Variants in ENOX1 observed in about 807,000 individuals in gnomAD.
The protein encoded by ENOX1 is candidate growth-related and time keeping constitutive hydroquinone (NADH) oxidase.
Under a neutral mutation model 82.5 loss-of-function variants are expected in ENOX1, and 42 were observed. The ratio of observed to expected loss-of-function variants is 0.51; its 90% CI spans 0.40 to 0.66. The LOEUF is 0.66. Among genes scored for constraint, ENOX1 ranks in the 30% least tolerant of loss-of-function variants. The pLI, the probability that ENOX1 is intolerant of heterozygous loss-of-function variation, is 0.00. For synonymous variants in ENOX1, 271 were observed against 282.2 expected (o/e 0.96, Z 0.40); for missense variants, 608 against 811.6 (o/e 0.75, Z 3.05).
rs1037802400 is a variant in ENOX1 at position 43,320,062 on chromosome 13, C to A, written c.1261+2322G>T. Reference sequence around the variant, plus strand: ...TTTGTCTGAGGTTTGAACAAAAGACCAGATGGGAATTCTTGCTGTCAGGCT... The same window carrying A: ...TTTGTCTGAGGTTTGAACAAAAGACAAGATGGGAATTCTTGCTGTCAGGCT... On this transcript the variant is annotated intron_variant, in intron 11 of 16. Coordinates refer to ENST00000690772, the MANE Select transcript of ENOX1 (RefSeq NM_001347969.2). Among the ~76,000 whole-genome samples, 30 of 152,166 alleles carry A rather than the reference C, an allele frequency of 2.0e-4. 1 individual carries two copies. Among genetic ancestry groups the A allele is most frequent in the Admixed American group, 1.9e-3 (29 of 15,276 alleles).
chr13:43,455,487 T>C (rs773400415), intron 3 of ENOX1, among the ~76,000 whole-genome samples: 1 of 152,222 alleles, frequency 6.6e-6, no homozygotes, highest in Non-Finnish European at 1.5e-5. Flanking sequence ...TTGTTCCATT[T>C]TGACAATTCT....
chr13:43,632,237 A>T (rs998348219), intron 2 of ENOX1, among the ~76,000 whole-genome samples: 3 of 151,190 alleles, frequency 2.0e-5, no homozygotes, highest in African/African-American at 7.3e-5. Context: ...TAGATGGTGA[A>T]TTTTTTTTTA....
intron 12 of ENOX1, among the ~76,000 whole-genome samples, chr13:43,293,167 G>A (rs1196341825): frequency 1.3e-5 from 2 of 151,722 alleles, no homozygotes; most frequent in Admixed American, 1.3e-4. Context: ...CAACACAACT[G>A]AGGTTACCAC....
At chr13:43,473,745 T>C (rs1328634795) in intron 3 of ENOX1, among the ~76,000 whole-genome samples, 1 of 152,152 alleles carries the variant, frequency 6.6e-6, no homozygotes, top group Non-Finnish European at 1.5e-5. Context: ...TTCCTAGTCC[T>C]TATCTTTTCC....
At chr13:43,288,847 T>A (rs976262163) in intron 12 of ENOX1, among the ~76,000 whole-genome samples, 1 of 152,158 alleles carries the variant, frequency 6.6e-6, no homozygotes, top group Non-Finnish European at 1.5e-5. Flanking sequence ...ACATCTTTCA[T>A]AATGGCTCTT....
chr13:43,610,380 C>A (rs2082148193), intron 2 of ENOX1, among the ~76,000 whole-genome samples: 1 of 152,102 alleles, frequency 6.6e-6, no homozygotes. Context: ...CACAATCTGT[C>A]CAACTGAGAT....
chr13:43,652,800 G>C (rs1331278082), intron 2 of ENOX1, among the ~76,000 whole-genome samples: 2 of 152,204 alleles, frequency 1.3e-5, no homozygotes, highest in Admixed American at 6.5e-5. Context: ...AAGCTGAGTA[G>C]CCGGAATGCC....
intron 7 of ENOX1, among the ~76,000 whole-genome samples, chr13:43,358,575 CTTT>C (rs2153558512): frequency 6.6e-6 from 1 of 152,300 alleles, no homozygotes; most frequent in African/African-American, 2.4e-5. Context: ...ATCCGTCCTT[CTTT>C]ATCATCATCA....
At chr13:43,636,519 G>A (rs1307633107) in intron 2 of ENOX1, among the ~76,000 whole-genome samples, 2 of 152,098 alleles carry the variant, frequency 1.3e-5, no homozygotes, top group Non-Finnish European at 2.9e-5. Flanking sequence ...TGTGGCCCAC[G>A]AACTTTTGTC....
intron 1 of ENOX1, among the ~76,000 whole-genome samples, chr13:43,737,464 G>A (rs1051495245): frequency 1.3e-5 from 2 of 152,148 alleles, no homozygotes; most frequent in Non-Finnish European, 1.5e-5. Context: ...TCTCTTCCAA[G>A]CTTCACTGTT....
At chr13:43,527,881 A>C (rs1239558138) in intron 2 of ENOX1, among the ~76,000 whole-genome samples, 1 of 152,144 alleles carries the variant, frequency 6.6e-6, no homozygotes, top group East Asian at 1.9e-4. Context: ...CATATTTCAA[A>C]CATCTAATTA....
intron 1 of ENOX1, among the ~76,000 whole-genome samples, chr13:43,675,503 T>C (rs1201980039): frequency 6.6e-6 from 1 of 152,198 alleles, no homozygotes; most frequent in Non-Finnish European, 1.5e-5. Flanking sequence ...TGTACACATA[T>C]ACACACACAT....
intron 12 of ENOX1, among the ~76,000 whole-genome samples, chr13:43,297,774 AC>A (rs1205205269): frequency 6.6e-6 from 1 of 152,216 alleles, no homozygotes; most frequent in Non-Finnish European, 1.5e-5. Flanking sequence ...GCACTCTTCA[AC>A]AAAAACACAG....
At chr13:43,376,117 A>AT (rs971103957) in intron 5 of ENOX1, among the ~76,000 whole-genome samples, 9 of 151,692 alleles carry the variant, frequency 5.9e-5, no homozygotes, top group East Asian at 1.9e-4. Flanking sequence ...TTATTCAATT[A>AT]TTTTTTTTTA....
chr13:43,355,442 A>G (rs531740804), intron 8 of ENOX1, among the ~76,000 whole-genome samples: 26 of 152,324 alleles, frequency 1.7e-4, no homozygotes, highest in African/African-American at 9.6e-5. Flanking sequence ...CCCTAGTACC[A>G]TGTCTGCTGT....
At chr13:43,618,827 AG>A (rs907530007) in intron 2 of ENOX1, among the ~76,000 whole-genome samples, 1 of 152,158 alleles carries the variant, frequency 6.6e-6, no homozygotes, top group African/African-American at 2.4e-5. Flanking sequence ...TGCTTTTGGC[AG>A]TATGGTCATT....
intron 2 of ENOX1, among the ~76,000 whole-genome samples, chr13:43,629,416 C>T (rs1405724783): frequency 6.6e-6 from 1 of 152,130 alleles, no homozygotes; most frequent in East Asian, 1.9e-4. Flanking sequence ...GATAAGAAGA[C>T]AACACAGGGA....
intron 2 of ENOX1, among the ~76,000 whole-genome samples, chr13:43,576,540 A>G (rs950058246): frequency 1.3e-5 from 2 of 152,198 alleles, no homozygotes; most frequent in Admixed American, 1.3e-4. Flanking sequence ...CTGTAGTGTA[A>G]AACACATGCC....
rs186157392 is a variant in ENOX1 at position 43,241,550 on chromosome 13, T to C, written c.1612-4812A>G. ...TTATGAAGTAGTCTCCCAAAGGAAG[T>C]GGGAAGAACACAGTAAAAGCACACC... On this transcript the variant is annotated intron_variant, in intron 14 of 16. Transcript: ENST00000690772. Among the ~76,000 whole-genome samples, 82 of 152,212 alleles carry C rather than the reference T, an allele frequency of 5.4e-4. No individual in the cohort carries two copies. In the Middle Eastern group the frequency reaches 0.01, roughly 19 times the overall value.
Sources: allele counts gnomAD v4.1 joint callset (sites outside exome capture counted in the v4.1 genomes callset), GRCh38; gene constraint gnomAD v4.1.1; transcripts MANE v1.5; gene names NCBI Gene and HGNC (gene_info 2026-07-23, HGNC 2026-07-21).